The following CNTNAP2 variants were observed in gnomAD, a reference collection of about 807,000 sequenced individuals.
The protein encoded by CNTNAP2 is contactin-associated protein-like 2.
Under a neutral mutation model 155.2 loss-of-function variants are expected in CNTNAP2, and 98 were observed. That is an observed-to-expected ratio of 0.63 (90% confidence interval 0.54 to 0.75). The LOEUF (loss-of-function observed/expected upper bound fraction) is 0.75. Ranked by LOEUF, CNTNAP2 falls within the 30% of genes least tolerant of loss-of-function variation. CNTNAP2 has a pLI of 0.00. For missense variants in CNTNAP2, 1,727 were observed against 1,688.1 expected (o/e 1.02, Z -0.40); for synonymous variants, 651 against 631.2 (o/e 1.03, Z -0.47).
At chr7:147,318,032 T>C (rs1451902797) in intron 9 of CNTNAP2, among the ~76,000 whole-genome samples, 1 of 149,746 alleles carries the variant, frequency 6.7e-6, no homozygotes, top group East Asian at 1.9e-4. Flanking sequence ...TTCTCCTTTC[T>C]TTTTTCGTTA....
chr7:146,787,133 A>G (rs752167922), intron 2 of CNTNAP2, among the ~76,000 whole-genome samples: 7 of 152,212 alleles, frequency 4.6e-5, no homozygotes, highest in Non-Finnish European at 8.8e-5. Flanking sequence ...AGACCACCAA[A>G]TAAGTCTTAT....
At chr7:147,943,213 C>A (rs934667777) in intron 14 of CNTNAP2, among the ~76,000 whole-genome samples, 1 of 152,126 alleles carries the variant, frequency 6.6e-6, no homozygotes, top group South Asian at 2.1e-4. Context: ...CTTTGGACAA[C>A]CAGATGCTTC....
intron 13 of CNTNAP2, among the ~76,000 whole-genome samples, chr7:147,788,570 T>C (rs1797771833): frequency 6.6e-6 from 1 of 152,190 alleles, no homozygotes; most frequent in Admixed American, 6.5e-5. Context: ...TGTAGGTCCT[T>C]ATCTTCATTC....
intron 21 of CNTNAP2, among the ~76,000 whole-genome samples, chr7:148,303,984 T>G (rs1004037821): frequency 1.3e-5 from 2 of 152,226 alleles, no homozygotes; most frequent in African/African-American, 4.8e-5. Flanking sequence ...TAAAATCTGT[T>G]TAGCGAACTC....
At chr7:148,112,958 C>G (rs1804386273) in intron 15 of CNTNAP2, among the ~76,000 whole-genome samples, 1 of 151,904 alleles carries the variant, frequency 6.6e-6, no homozygotes. Flanking sequence ...CAGGGAACTG[C>G]TTTTTGCTTT....
intron 14 of CNTNAP2, among the ~76,000 whole-genome samples, chr7:147,953,187 G>A (rs565999522): frequency 1.5e-4 from 23 of 152,278 alleles, no homozygotes; most frequent in African/African-American, 5.1e-4. Context: ...AGCATCAGTT[G>A]TGCTAAGTTT....
intron 13 of CNTNAP2, among the ~76,000 whole-genome samples, chr7:147,718,032 C>G (rs1796507226): frequency 6.6e-6 from 1 of 151,788 alleles, no homozygotes; most frequent in African/African-American, 2.4e-5. Flanking sequence ...CTAAATAACT[C>G]CTTGAAATCA....
chr7:148,240,710 G>A (rs1470409133), intron 20 of CNTNAP2, among the ~76,000 whole-genome samples: 1 of 152,146 alleles, frequency 6.6e-6, no homozygotes, highest in Admixed American at 6.5e-5. Context: ...CCGTCTACAA[G>A]CTGAGGACCA....
chr7:148,019,009 T>C (rs1291912378), intron 15 of CNTNAP2, among the ~76,000 whole-genome samples: 1 of 152,250 alleles, frequency 6.6e-6, no homozygotes, highest in Non-Finnish European at 1.5e-5. Flanking sequence ...CAGCATTATT[T>C]TGGTGGCAAG....
intron 1 of CNTNAP2, among the ~76,000 whole-genome samples, chr7:146,414,158 A>G (rs1795905009): frequency 1.3e-5 from 2 of 152,184 alleles, no homozygotes. Flanking sequence ...TTTTATATGC[A>G]TATATTTACA....
chr7:146,269,732 A>G (rs1487063690), intron 1 of CNTNAP2, among the ~76,000 whole-genome samples: 2 of 152,214 alleles, frequency 1.3e-5, no homozygotes, highest in African/African-American at 2.4e-5. Flanking sequence ...TGTAAACATT[A>G]TTAATTCCAA....
chr7:147,243,016 T>TTTTTTTTTTTTTTTGG (rs1803977056), intron 8 of CNTNAP2, among the ~76,000 whole-genome samples: 1 of 121,004 alleles, frequency 8.3e-6, no homozygotes, highest in East Asian at 2.1e-4. Context: ...TTTTTTTTTT[T>TTTTTTTTTTTTTTTGG]GAGAGGGAGT....
At chr7:147,306,343 A>C (rs1002177553) in intron 9 of CNTNAP2, among the ~76,000 whole-genome samples, 4 of 152,210 alleles carry the variant, frequency 2.6e-5, no homozygotes, top group Non-Finnish European at 5.9e-5. Flanking sequence ...AGAGGCATTC[A>C]AACAAACAAA....
chr7:148,003,153 C>T (rs1801925666), intron 15 of CNTNAP2, among the ~76,000 whole-genome samples: 1 of 152,096 alleles, frequency 6.6e-6, no homozygotes, highest in African/African-American at 2.4e-5. Context: ...GAGCATCAAC[C>T]TCTATGTGTC....
At chr7:146,857,346 CA>C (rs1795011031) in intron 3 of CNTNAP2, among the ~76,000 whole-genome samples, 1 of 151,998 alleles carries the variant, frequency 6.6e-6, no homozygotes, top group African/African-American at 2.4e-5. Context: ...GAAATTATTT[CA>C]AAAGAAAAGT....
chr7:146,353,929 C>T (rs1794959670), intron 1 of CNTNAP2, among the ~76,000 whole-genome samples: 1 of 151,998 alleles, frequency 6.6e-6, no homozygotes, highest in African/African-American at 2.4e-5. Flanking sequence ...ACAATAAAAG[C>T]TGTATTTGTT....
chr7:147,189,644 T>G (rs1270366481), intron 8 of CNTNAP2, among the ~76,000 whole-genome samples: 2 of 152,192 alleles, frequency 1.3e-5, no homozygotes, highest in African/African-American at 4.8e-5. Flanking sequence ...CCACAAAAAG[T>G]TTGATTAATC....
chr7:146,175,063 T>G (rs1205091712), intron 1 of CNTNAP2, among the ~76,000 whole-genome samples: 2 of 152,124 alleles, frequency 1.3e-5, no homozygotes, highest in East Asian at 3.9e-4. Flanking sequence ...ATGAATTTAT[T>G]ATATTTTAGG....
chr7:146,403,344 T>G (rs1286129559), intron 1 of CNTNAP2, among the ~76,000 whole-genome samples: 1 of 152,174 alleles, frequency 6.6e-6, no homozygotes, highest in East Asian at 1.9e-4. Context: ...GGTCATTTGA[T>G]GAATGGGTGG....
Sources: gnomAD v4.1 joint callset for allele counts (sites outside exome capture counted in the v4.1 genomes callset) on GRCh38, gnomAD v4.1.1 for gene constraint, MANE v1.5 for transcripts, NCBI Gene and HGNC (gene_info 2026-07-23, HGNC 2026-07-21) for gene names.